Variants in BBX observed in about 807,000 individuals in gnomAD.
The protein encoded by BBX is HMG box transcription factor BBX.
In BBX, 30 loss-of-function variants were observed where a neutral mutation model predicts 100.2. That is an observed-to-expected ratio of 0.30 (90% CI 0.22 to 0.41). The LOEUF (loss-of-function observed/expected upper bound fraction) is 0.41. Among genes scored for constraint, BBX ranks in the 10% least tolerant of loss-of-function variants. BBX has a pLI of 1.00. For synonymous variants in BBX, 376 were observed against 388.1 expected (o/e 0.97, Z 0.37); for missense variants, 1,023 against 1,129.8 (o/e 0.91, Z 1.35).
chr3:107,586,923 G>T (rs2052892772), intron 2 of BBX, among the ~76,000 whole-genome samples: 2 of 151,848 alleles, frequency 1.3e-5, no homozygotes, highest in Admixed American at 1.3e-4. Flanking sequence ...GCTAATTTTT[G>T]TATTTTTAGT....
chr3:107,710,913 T>G (rs1576452366), intron 4 of BBX, among the ~76,000 whole-genome samples: 1 of 152,252 alleles, frequency 6.6e-6, no homozygotes, highest in East Asian at 1.9e-4. Context: ...TTCCTAAAAC[T>G]TGATGTGCTC....
intron 9 of BBX, among the ~76,000 whole-genome samples, chr3:107,751,217 A>G (rs767578815): frequency 6.6e-6 from 1 of 152,342 alleles, no homozygotes; most frequent in East Asian, 1.9e-4. Context: ...AAAGCTTTAT[A>G]TCCCTGTCTC....
At chr3:107,636,999 CTATT>C (rs1225378206) in intron 2 of BBX, among the ~76,000 whole-genome samples, 1 of 152,108 alleles carries the variant, frequency 6.6e-6, no homozygotes, top group Admixed American at 6.5e-5. Context: ...CATTGGCTTG[CTATT>C]TATTCTTCAG....
chr3:107,696,398 G>T (rs1394267929), intron 3 of BBX, among the ~76,000 whole-genome samples: 10 of 151,618 alleles, frequency 6.6e-5, no homozygotes, highest in Non-Finnish European at 1.2e-4. Context: ...GCCTGGTGGT[G>T]ACAAAATCTC....
intron 2 of BBX, among the ~76,000 whole-genome samples, chr3:107,581,601 G>A (rs1193655354): frequency 6.6e-6 from 1 of 151,864 alleles, no homozygotes; most frequent in East Asian, 1.9e-4. Flanking sequence ...TAGTGGTTTG[G>A]TAACTGGTCT....
chr3:107,768,122 G>A (rs552814658), intron 10 of BBX, among the ~76,000 whole-genome samples: 32 of 152,248 alleles, frequency 2.1e-4, no homozygotes, highest in African/African-American at 5.8e-4. Context: ...CTGTTTGGGT[G>A]TCTCAGTTCT....
intron 2 of BBX, among the ~76,000 whole-genome samples, chr3:107,636,713 A>G (rs912196395): frequency 6.6e-6 from 1 of 152,228 alleles, no homozygotes; most frequent in Non-Finnish European, 1.5e-5. Context: ...ACCAATGGAA[A>G]TAGTTGGAGA....
At chr3:107,700,772 A>C (rs1389565215) in intron 3 of BBX, among the ~76,000 whole-genome samples, 1 of 151,584 alleles carries the variant, frequency 6.6e-6, no homozygotes, top group Non-Finnish European at 1.5e-5. Context: ...TGAACTCATC[A>C]TTTTTTATGG....
chr3:107,804,033 A>AT (rs1190900803), intron 17 of BBX, among the ~76,000 whole-genome samples: 4 of 151,558 alleles, frequency 2.6e-5, no homozygotes, highest in Non-Finnish European at 4.4e-5. Flanking sequence ...TAGCATTTTA[A>AT]TTTCATCTTT....
At chr3:107,534,964 G>C (rs2048391633) in intron 2 of BBX, among the ~76,000 whole-genome samples, 1 of 152,296 alleles carries the variant, frequency 6.6e-6, no homozygotes, top group Admixed American at 6.5e-5. Flanking sequence ...TCTGGACTAA[G>C]GGCTGCCTTA....
chr3:107,667,424 T>C (rs1327788311), intron 3 of BBX, among the ~76,000 whole-genome samples: 2 of 152,074 alleles, frequency 1.3e-5, no homozygotes, highest in East Asian at 3.8e-4. Context: ...TAATTTAATG[T>C]CTTCTGAAAG....
intron 10 of BBX, among the ~76,000 whole-genome samples, chr3:107,768,745 C>T (rs927835889): frequency 1.6e-4 from 2 of 12,566 alleles, no homozygotes; most frequent in Non-Finnish European, 8.3e-4. Flanking sequence ...AGAAATGTGA[C>T]CTATTAAAAA....
chr3:107,737,884 G>GTTTTTTTTTTTTTTTTTTTTTT (rs1156396951), intron 7 of BBX, among the ~76,000 whole-genome samples: 2 of 48,900 alleles, frequency 4.1e-5, no homozygotes, highest in Non-Finnish European at 6.9e-5. Context: ...CAGAGTTCCA[G>GTTTTTTTTTTTTTTTTTTTTTT]TTTTTTTTTT....
intron 3 of BBX, among the ~76,000 whole-genome samples, chr3:107,691,275 ATTG>A (rs777328449): frequency 6.6e-6 from 1 of 152,130 alleles, no homozygotes; most frequent in East Asian, 1.9e-4. Context: ...GTGTTTTGTT[ATTG>A]TTGTTATTCT....
chr3:107,656,625 T>C (rs965446509), intron 3 of BBX, among the ~76,000 whole-genome samples: 1 of 152,246 alleles, frequency 6.6e-6, no homozygotes, highest in Non-Finnish European at 1.5e-5. Context: ...ATCTTTCTCC[T>C]GCTCTGTTCT....
chr3:107,579,990 G>A (rs1055673278), intron 2 of BBX, among the ~76,000 whole-genome samples: 5 of 151,954 alleles, frequency 3.3e-5, no homozygotes, highest in African/African-American at 1.2e-4. Flanking sequence ...TATATTTATG[G>A]CGGTGGATTT....
intron 2 of BBX, among the ~76,000 whole-genome samples, chr3:107,598,368 G>A (rs937420723): frequency 1.3e-5 from 2 of 152,138 alleles, no homozygotes; most frequent in African/African-American, 4.8e-5. Flanking sequence ...AAGTTTTCCA[G>A]ATCAGGAGTG....
At chr3:107,612,690 G>A (rs1282062314) in intron 2 of BBX, among the ~76,000 whole-genome samples, 1 of 152,222 alleles carries the variant, frequency 6.6e-6, no homozygotes. Flanking sequence ...TTCTAGGTCA[G>A]ACCTGAAGCC....
intron 2 of BBX, among the ~76,000 whole-genome samples, chr3:107,547,123 T>G (rs2049297261): frequency 6.6e-6 from 1 of 152,182 alleles, no homozygotes; most frequent in African/African-American, 2.4e-5. Context: ...AGTATTTCCC[T>G]AGACAACATG....
Sources: gnomAD v4.1 joint callset for allele counts (sites outside exome capture counted in the v4.1 genomes callset) on GRCh38, gnomAD v4.1.1 for gene constraint, MANE v1.5 for transcripts, NCBI Gene and HGNC (gene_info 2026-07-23, HGNC 2026-07-21) for gene names.